The following FRMD4B variants were observed in gnomAD, a reference collection of about 807,000 sequenced individuals.
FRMD4B encodes the protein FERM domain containing 4B, also known as FERM domain-containing protein 4B.
FRMD4B carries 74 observed loss-of-function variants against 141.5 expected under a neutral mutation model. That is an observed-to-expected ratio of 0.52 (90% confidence interval 0.43 to 0.63). The LOEUF (loss-of-function observed/expected upper bound fraction) is 0.63, where lower values mean the gene tolerates loss of function less well. Ranked by LOEUF, FRMD4B falls within the 30% of genes least tolerant of loss-of-function variation. The probability of loss-of-function intolerance (pLI) is 0.00; values close to 1 mark genes in which losing one functional copy is unlikely to be tolerated. For missense variants in FRMD4B, 1,366 were observed against 1,253.4 expected, an observed-to-expected ratio of 1.09 and a Z score of -1.36; for synonymous variants, 506 against 467.9, an observed-to-expected ratio of 1.08 and a Z score of -1.05.
intron 1 of FRMD4B, among the ~76,000 whole-genome samples, chr3:69,464,780 A>G (rs2106928595): frequency 6.6e-6 from 1 of 152,302 alleles, no homozygotes; most frequent in South Asian, 2.1e-4. Flanking sequence ...ATTGAACCTG[A>G]ATCTTAACAA....
chr3:69,468,221 G>A (rs774611047), intron 1 of FRMD4B, among the ~76,000 whole-genome samples: 22 of 105,658 alleles, frequency 2.1e-4, no homozygotes, highest in Admixed American at 2.5e-4. Flanking sequence ...AAAGTATCAC[G>A]GATCCTCATG....
At chr3:69,176,742 C>G in intron 21 of FRMD4B, 86 bp from the exon 22 acceptor site, 1 of 828,106 alleles carries the variant, frequency 1.2e-6, no homozygotes, top group Non-Finnish European at 1.9e-6. Context: ...ACATTGCAAT[C>G]AGCTTTGTCA....
At chr3:69,536,751 ATT>A (rs1701093801) in intron 1 of FRMD4B, 2 of 535,920 alleles carry the variant, frequency 3.7e-6, no homozygotes, top group African/African-American at 3.9e-5. Flanking sequence ...AATTTTTTTA[ATT>A]TTTTATTTTT....
At chr3:69,325,662 A>G (rs1702167264) in intron 1 of FRMD4B, among the ~76,000 whole-genome samples, 2 of 152,190 alleles carry the variant, frequency 1.3e-5, no homozygotes, top group Non-Finnish European at 2.9e-5. Flanking sequence ...AGGATAAAAA[A>G]TCAGTCTCAT....
intron 19 of FRMD4B, among the ~76,000 whole-genome samples, chr3:69,183,694 G>C (rs181591729): frequency 1.3e-5 from 2 of 151,940 alleles, no homozygotes; most frequent in East Asian, 3.9e-4. Flanking sequence ...TTGTTAGCCA[G>C]GATGGTCTCG....
At chr3:69,325,776 A>G (rs1349983404) in intron 1 of FRMD4B, among the ~76,000 whole-genome samples, 1 of 152,180 alleles carries the variant, frequency 6.6e-6, no homozygotes, top group Non-Finnish European at 1.5e-5. Context: ...TATTGAGTAT[A>G]GGTTAGGTGT....
At chr3:69,312,613 G>A (rs930440283) in intron 2 of FRMD4B, among the ~76,000 whole-genome samples, 2 of 152,156 alleles carry the variant, frequency 1.3e-5, no homozygotes, top group Non-Finnish European at 1.5e-5. Context: ...AAATATCATC[G>A]CTTGGCTGGG....
At chr3:69,214,010 C>T (rs751105175) in intron 11 of FRMD4B, among the ~76,000 whole-genome samples, 2 of 152,004 alleles carry the variant, frequency 1.3e-5, no homozygotes, top group African/African-American at 2.4e-5. Context: ...AGCCTCAACG[C>T]CCTACTAGCC....
chr3:69,507,760 G>T (rs995501903), intron 1 of FRMD4B, among the ~76,000 whole-genome samples: 2 of 152,062 alleles, frequency 1.3e-5, no homozygotes, highest in East Asian at 1.9e-4. Flanking sequence ...TGATGGTCTG[G>T]CTTGATCCAG....
Position 69,492,174 on chromosome 3 carries a change from C to T in FRMD4B, c.-129+50032G>A, listed in dbSNP as rs183719199. On this transcript the variant is annotated intron_variant, in intron 1 of 5. Transcript: ENST00000459638. ...GGAGGCGGCAGAGCATGTGGTATGACCACATGCAGAGTGAAAGTTTGCAAG... is the reference window on the plus strand; with the variant it reads ...GGAGGCGGCAGAGCATGTGGTATGATCACATGCAGAGTGAAAGTTTGCAAG... Among the ~76,000 whole-genome samples the T allele has an allele frequency of 1.8e-3, 273 of 152,196 alleles. 2 individuals carry two copies. The highest frequency in any genetic ancestry group is 2.1e-4 in the Non-Finnish European group (14 of 68,008).
intron 1 of FRMD4B, among the ~76,000 whole-genome samples, chr3:69,452,657 G>C (rs1043004681): frequency 2.0e-5 from 3 of 152,184 alleles, no homozygotes; most frequent in African/African-American, 7.2e-5. Flanking sequence ...GAAACAGAGA[G>C]AAACTAGACA....
chr3:69,472,330 A>C (rs767387183), intron 1 of FRMD4B: 27 of 472,314 alleles, frequency 5.7e-5, no homozygotes, highest in Non-Finnish European at 1.1e-4. Flanking sequence ...TTACAGATGC[A>C]ACTCCCTGGG....
chr3:69,277,516 C>CTTT (rs55745266), intron 5 of FRMD4B, among the ~76,000 whole-genome samples: 5 of 60,492 alleles, frequency 8.3e-5, no homozygotes, highest in African/African-American at 3.6e-4. Context: ...TTTCTTTCTG[C>CTTT]TTTTTTTTTT....
At chr3:69,249,935 T>G in intron 6 of FRMD4B, 108 bp downstream of exon 6, 1 of 760,540 alleles carries the variant, frequency 1.3e-6, no homozygotes, top group Non-Finnish European at 2.3e-6. Context: ...CTAACTGGCT[T>G]AAAAATCCAA....
rs1293348079 is a variant in FRMD4B at position 69,185,728 on chromosome 3, C to A, written c.1919+2042G>T. Among the ~76,000 whole-genome samples the A allele has an allele frequency of 2.6e-5, 4 of 152,248 alleles. No individual in the cohort carries two copies. In the East Asian group the frequency reaches 7.7e-4, roughly 29 times the overall value. On this transcript the variant is annotated intron_variant, in intron 19 of 22. Transcript: ENST00000398540. ...ATAAATTACATAGAAAAAACATAAACAGTATCTGGGACACAGTAAGTACTC... is the reference window on the plus strand; with the variant it reads ...ATAAATTACATAGAAAAAACATAAAAAGTATCTGGGACACAGTAAGTACTC...
At chr3:69,420,013 C>A (rs371907840) in intron 2 of FRMD4B, among the ~76,000 whole-genome samples, 1 of 152,134 alleles carries the variant, frequency 6.6e-6, no homozygotes, top group Non-Finnish European at 1.5e-5. Context: ...CCCACCACCA[C>A]GCCCAGCTAA....
At chr3:69,500,537 G>A (rs1021531401) in intron 1 of FRMD4B, among the ~76,000 whole-genome samples, 4 of 152,148 alleles carry the variant, frequency 2.6e-5, no homozygotes, top group Admixed American at 1.3e-4. Context: ...TTGCAGAGGT[G>A]TAGGATGGGC....
At position 69,538,654 on chromosome 3, in the gene FRMD4B, G is replaced by A. The variant is rs1271545122; in HGVS notation, c.-129+3552C>T. Among the ~76,000 whole-genome samples, 3 of 152,250 alleles carry A rather than the reference G, an allele frequency of 2.0e-5. No homozygotes were observed. In the East Asian group the frequency reaches 5.8e-4, roughly 29 times the overall value. ...ATTAGTTTAAAAATTGATTTCACCA[G>A]GAAGCATGAGATAAAAAATGACATG... is the stretch of plus-strand genomic sequence containing the variant. On this transcript the variant is annotated intron_variant, in intron 1 of 5. Coordinates refer to the FRMD4B transcript ENST00000459638.
At chr3:69,362,199 A>C (rs1703489624) in intron 1 of FRMD4B, among the ~76,000 whole-genome samples, 1 of 152,184 alleles carries the variant, frequency 6.6e-6, no homozygotes, top group Non-Finnish European at 1.5e-5. Flanking sequence ...TAAACTCCAC[A>C]ATAACTTTGA....
Sources: gnomAD v4.1 joint callset for allele counts (sites outside exome capture counted in the v4.1 genomes callset) on GRCh38, gnomAD v4.1.1 for gene constraint, MANE v1.5 for transcripts, NCBI Gene and HGNC (gene_info 2026-07-23, HGNC 2026-07-21) for gene names.